Variants in UBE2E2 observed in about 807,000 individuals in gnomAD.
UBE2E2 encodes ubiquitin-conjugating enzyme E2 E2.
A neutral mutation model predicts 24.7 loss-of-function variants in UBE2E2; 6 were observed. The observed-to-expected ratio is 0.24, with a 90% CI of 0.13 to 0.48. The LOEUF (loss-of-function observed/expected upper bound fraction) is 0.48, where lower values mean the gene tolerates loss of function less well. Among genes scored for constraint, UBE2E2 ranks in the 20% least tolerant of loss-of-function variants. UBE2E2 has a pLI of 0.99. For missense variants in UBE2E2, 169 were observed against 245.0 expected (o/e 0.69, Z 2.07); for synonymous variants, 104 against 83.6 (o/e 1.24, Z -1.33).
At chr3:23,218,565 C>T (rs1280871266) in intron 3 of UBE2E2, among the ~76,000 whole-genome samples, 1 of 151,782 alleles carries the variant, frequency 6.6e-6, no homozygotes, top group African/African-American at 2.4e-5. Flanking sequence ...TTAAAAAACC[C>T]ATATTATTAA....
intron 3 of UBE2E2, among the ~76,000 whole-genome samples, chr3:23,450,355 A>C (rs184751434): frequency 6.6e-6 from 1 of 152,296 alleles, no homozygotes; most frequent in East Asian, 1.9e-4. Context: ...GTGTGGTTCT[A>C]GTACAACTGA....
At chr3:23,416,841 C>T (rs112765929) in intron 3 of UBE2E2, among the ~76,000 whole-genome samples, 10,039 of 152,076 alleles carry the variant, frequency 0.066, 497 homozygotes, top group African/African-American at 0.13. Flanking sequence ...TTGATCAATT[C>T]GGCTATTGAT....
intron 3 of UBE2E2, among the ~76,000 whole-genome samples, chr3:23,247,357 A>ATTTT: frequency 7.2e-6 from 1 of 138,750 alleles, no homozygotes; most frequent in East Asian, 2.1e-4. Flanking sequence ...CTCTGAGTGT[A>ATTTT]TTTTTTTTTT....
At chr3:23,327,697 C>G (rs979525328) in intron 3 of UBE2E2, among the ~76,000 whole-genome samples, 1 of 151,986 alleles carries the variant, frequency 6.6e-6, no homozygotes, top group African/African-American at 2.4e-5. Context: ...CTCTTTTTTC[C>G]TTTTGCAAAG....
chr3:23,352,709 C>T lies in UBE2E2; in HGVS notation c.227+135397C>T, dbSNP rs1695793670. 1.3e-5 allele frequency among the ~76,000 whole-genome samples: 2 copies of T among 152,056 alleles called. 1 individual carries two copies. The highest frequency in any genetic ancestry group is 1.3e-4 in the Admixed American group (2 of 15,268). On this transcript the variant is annotated intron_variant, in intron 3 of 5. Coordinates refer to ENST00000396703, the MANE Select transcript of UBE2E2 (RefSeq NM_152653.4). ...GAAGAAGTTGAATCTCTGAATAGAC[C>T]AATAACAGGCTCTGAAATTGTGGCA... is the stretch of plus-strand genomic sequence containing the variant.
chr3:23,338,308 G>C (rs1056934383), intron 3 of UBE2E2, among the ~76,000 whole-genome samples: 5 of 152,086 alleles, frequency 3.3e-5, no homozygotes, highest in Non-Finnish European at 5.9e-5. Flanking sequence ...TGGATATTAA[G>C]AGTTAATTTT....
chr3:23,304,077 T>G (rs1303420043), intron 3 of UBE2E2, among the ~76,000 whole-genome samples: 1 of 152,202 alleles, frequency 6.6e-6, no homozygotes, highest in Non-Finnish European at 1.5e-5. Flanking sequence ...AGTTAGCTAC[T>G]ATCCTGCCTG....
At chr3:23,319,981 A>C (rs1310168610) in intron 3 of UBE2E2, among the ~76,000 whole-genome samples, 4 of 152,148 alleles carry the variant, frequency 2.6e-5, no homozygotes. Context: ...GTTTTTCCCC[A>C]GTGGTGGACT....
rs190322029 is a variant in UBE2E2 at position 23,346,150 on chromosome 3, A to G, written c.227+128838A>G. The stretch of plus-strand genomic sequence containing the variant: ...TAAGATTGTGTTTCTTTTAAAGCCA[A>G]TAAGTAATTGTGAAAGACAAACTCA... On this transcript the variant is annotated intron_variant, in intron 3 of 5. Coordinates refer to ENST00000396703, the MANE Select transcript of UBE2E2 (RefSeq NM_152653.4). 6.4e-4 allele frequency among the ~76,000 whole-genome samples: 98 copies of G among 152,312 alleles called. 5 individuals are homozygous for G. In the East Asian group the frequency reaches 0.015, roughly 24 times the overall value.
In UBE2E2 at chr3:23,560,941, T is replaced by G. The variant is rs575462626; in HGVS notation, c.508+28240T>G. Reference sequence around the variant, plus strand: ...TTTGTTTTTTTCTTGTAAATTTGTTTGAGTTCTTTGTAGATTCTGGATATT... The same window carrying G: ...TTTGTTTTTTTCTTGTAAATTTGTTGGAGTTCTTTGTAGATTCTGGATATT... On this transcript the variant is annotated intron_variant, in intron 5 of 5. Coordinates refer to ENST00000396703, the MANE Select transcript of UBE2E2 (RefSeq NM_152653.4). Among the ~76,000 whole-genome samples, 20 of 152,364 alleles carry G rather than the reference T, an allele frequency of 1.3e-4. No homozygotes were observed. In the South Asian group the frequency reaches 4.1e-3, roughly 32 times the overall value.
intron 5 of UBE2E2, among the ~76,000 whole-genome samples, chr3:23,571,641 C>T (rs1696234873): frequency 6.6e-6 from 1 of 152,002 alleles, no homozygotes; most frequent in African/African-American, 2.4e-5. Context: ...GTACAGACCG[C>T]TTTTTTTGCC....
chr3:23,340,365 A>G (rs1575571516), intron 3 of UBE2E2, among the ~76,000 whole-genome samples: 1 of 152,108 alleles, frequency 6.6e-6, no homozygotes, highest in Non-Finnish European at 1.5e-5. Context: ...TCTACTATGC[A>G]CTATATTTTT....
chr3:23,325,904 T>C (rs914997751), intron 3 of UBE2E2, among the ~76,000 whole-genome samples: 1 of 152,200 alleles, frequency 6.6e-6, no homozygotes, highest in Non-Finnish European at 1.5e-5. Flanking sequence ...ATGAGTGATA[T>C]AGTCACACTG....
intron 3 of UBE2E2, among the ~76,000 whole-genome samples, chr3:23,299,082 GT>G (rs1327551216): frequency 6.6e-6 from 1 of 152,178 alleles, no homozygotes; most frequent in Non-Finnish European, 1.5e-5. Flanking sequence ...GCATAGAGGT[GT>G]TTATAGTATT....
intron 3 of UBE2E2, among the ~76,000 whole-genome samples, chr3:23,277,625 C>T (rs1698400335): frequency 6.6e-6 from 1 of 151,974 alleles, no homozygotes; most frequent in African/African-American, 2.4e-5. Context: ...AAGAAAGAGT[C>T]CTAAATTAGG....
At chr3:23,235,641 TAGAA>T (rs770131234) in intron 3 of UBE2E2, among the ~76,000 whole-genome samples, 3 of 151,990 alleles carry the variant, frequency 2.0e-5, no homozygotes, top group African/African-American at 4.8e-5. Flanking sequence ...GCAGTGGAGA[TAGAA>T]AGAGGGTCAT....
intron 4 of UBE2E2, among the ~76,000 whole-genome samples, chr3:23,517,543 G>C (rs1466543111): frequency 6.6e-6 from 1 of 152,064 alleles, no homozygotes; most frequent in Non-Finnish European, 1.5e-5. Flanking sequence ...TGTTTTTCCA[G>C]TTAATTTGTT....
rs190624365 is a variant in UBE2E2 at position 23,536,572 on chromosome 3, T to C, written c.508+3871T>C. Among the ~76,000 whole-genome samples, 83 of 152,352 alleles carry C rather than the reference T, an allele frequency of 5.4e-4. 2 individuals carry two copies. In the East Asian group the frequency reaches 0.015, roughly 27 times the overall value. ...TATGAGACAGTCAGAAAGTTGACAA[T>C]GAAACATTTGATATTGAGAAATTAT... On this transcript the variant is annotated intron_variant, in intron 5 of 5. Coordinates refer to ENST00000396703, the MANE Select transcript of UBE2E2 (RefSeq NM_152653.4).
intron 3 of UBE2E2, among the ~76,000 whole-genome samples, chr3:23,334,512 A>G (rs1417601036): frequency 6.6e-6 from 1 of 152,196 alleles, no homozygotes; most frequent in African/African-American, 2.4e-5. Context: ...ACCATTTTTT[A>G]ATGACCAGAA....
Sources: gnomAD v4.1 joint callset for allele counts (sites outside exome capture counted in the v4.1 genomes callset) on GRCh38, gnomAD v4.1.1 for gene constraint, MANE v1.5 for transcripts, NCBI Gene and HGNC (gene_info 2026-07-23, HGNC 2026-07-21) for gene names.